The following ABI1 variants were observed in gnomAD, a reference collection of about 807,000 sequenced individuals.
The protein encoded by ABI1 is abl interactor 1.
In ABI1, 14 loss-of-function variants were observed where a neutral mutation model predicts 54.6. The ratio of observed to expected loss-of-function variants is 0.26; its 90% CI spans 0.17 to 0.40. The LOEUF (loss-of-function observed/expected upper bound fraction) is 0.40, where lower values mean the gene tolerates loss of function less well. Among genes scored for constraint, ABI1 ranks in the 10% least tolerant of loss-of-function variants. ABI1 has a pLI of 1.00. For synonymous variants in ABI1, 194 were observed against 209.3 expected, an observed-to-expected ratio of 0.93 and a Z score of 0.63; for missense variants, 443 against 598.3, an observed-to-expected ratio of 0.74 and a Z score of 2.71.
At chr10:26,764,685 T>G (rs1180126490) in intron 7 of ABI1, among the ~76,000 whole-genome samples, 1 of 152,170 alleles carries the variant, frequency 6.6e-6, no homozygotes, top group East Asian at 1.9e-4. Context: ...GGGAAAAAAA[T>G]AGATGGCTAC....
chr10:26,759,301 G>T, intron 7 of ABI1, 63 bp from the exon 8 acceptor site: 1 of 1,399,394 alleles, frequency 7.1e-7, no homozygotes, highest in South Asian at 1.5e-5. Context: ...ACCTTAGATG[G>T]CAGAACAAAG....
At position 26,796,762 on chromosome 10, in the gene ABI1, C is replaced by T. The variant is rs553036248; in HGVS notation, c.286-19521G>A. On this transcript the variant is annotated intron_variant, in intron 2 of 10. Transcript: ENST00000376140. ...TATATGTATTCCATAACACAGCAGT[C>T]CCCTTTTTGGCACCAGGGACCGGTT... Among the ~76,000 whole-genome samples the T allele has an allele frequency of 6.6e-5, 10 of 152,332 alleles. No individual in the cohort carries two copies. The South Asian group carries it at 2.1e-3, about 32-fold the overall frequency.
At chr10:26,748,885 AAGT>A in intron 10 of ABI1, 140 bp from the exon 11 acceptor site, 1 of 673,970 alleles carries the variant, frequency 1.5e-6, no homozygotes, top group South Asian at 2.0e-5. Context: ...CTATCAATAT[AAGT>A]AGGTCAGTGG....
chr10:26,765,695 T>G (rs1392169312), intron 6 of ABI1, among the ~76,000 whole-genome samples: 91 of 68,888 alleles, frequency 1.3e-3, no homozygotes, highest in African/African-American at 1.5e-3. Context: ...GGAGGGAGAG[T>G]GGGAGGGAAA....
At chr10:26,789,656 G>A (rs773027989) in intron 2 of ABI1, among the ~76,000 whole-genome samples, 1 of 152,100 alleles carries the variant, frequency 6.6e-6, no homozygotes, top group African/African-American at 2.4e-5. Context: ...GGGTACATAT[G>A]TAAGATGTGT....
chr10:26,750,678 A>C (rs2132403199), intron 10 of ABI1, among the ~76,000 whole-genome samples: 1 of 152,268 alleles, frequency 6.6e-6, no homozygotes, highest in East Asian at 1.9e-4. Context: ...AATCACAAGC[A>C]TTTTTCAGAA....
At chr10:26,801,489 G>A (rs1410812606) in intron 2 of ABI1, among the ~76,000 whole-genome samples, 1 of 152,036 alleles carries the variant, frequency 6.6e-6, no homozygotes, top group Non-Finnish European at 1.5e-5. Flanking sequence ...AGAGGTTGCG[G>A]TGAGCCAAGA....
At chr10:26,811,201 TG>T (rs2047206658) in intron 2 of ABI1, among the ~76,000 whole-genome samples, 3 of 152,136 alleles carry the variant, frequency 2.0e-5, no homozygotes, top group Admixed American at 1.3e-4. Flanking sequence ...TGTTTATCAA[TG>T]TAATAATTAA....
At chr10:26,838,876 A>G (rs2049284333) in intron 1 of ABI1, among the ~76,000 whole-genome samples, 1 of 152,224 alleles carries the variant, frequency 6.6e-6, no homozygotes, top group African/African-American at 2.4e-5. Context: ...CCCAAAGACC[A>G]CGGTCTGCCA....
chr10:26,816,986 TTGTGTGTGTGTGTGTGTG>T (rs71403891), intron 2 of ABI1, among the ~76,000 whole-genome samples: 1 of 143,768 alleles, frequency 7.0e-6, no homozygotes, highest in Non-Finnish European at 1.5e-5. Flanking sequence ...TGCAAAGACT[TTGTGTGTGTGTGTGTGTG>T]TGTGTGTGTG....
rs1266694854 is a variant in ABI1 at position 26,860,593 on chromosome 10, T to G, written c.117+154A>C. 2.6e-5 allele frequency among the ~76,000 whole-genome samples: 4 copies of G among 152,174 alleles called. No individual in the cohort carries two copies. The highest frequency in any genetic ancestry group is 9.7e-5 in the African/African-American group (4 of 41,446). On this transcript the variant is annotated intron_variant, in intron 1 of 10. Transcript: ENST00000376140. The surrounding 1 kb of genome is among the most constrained non-coding windows in gnomAD (Gnocchi z 4.1). ...ACTCCCTCAGCCCGGCCACTCGCTCTGTCCCCGGTTGGGGCTGGGGTTGGG... is the reference window on the plus strand; with the variant it reads ...ACTCCCTCAGCCCGGCCACTCGCTCGGTCCCCGGTTGGGGCTGGGGTTGGG...
chr10:26,822,272 C>G (rs1048093471), intron 2 of ABI1, among the ~76,000 whole-genome samples: 1 of 152,148 alleles, frequency 6.6e-6, no homozygotes, highest in African/African-American at 2.4e-5. Flanking sequence ...CAAACTAAGA[C>G]TAAGTGGTAT....
At chr10:26,751,536 T>C (rs1196762178) in intron 10 of ABI1, 62 bp downstream of exon 10, 1 of 1,510,670 alleles carries the variant, frequency 6.6e-7, no homozygotes, top group African/African-American at 1.4e-5. Flanking sequence ...ATGTTCTTTA[T>C]AGTTCTAAAT....
At chr10:26,801,349 C>T (rs2133373323) in intron 2 of ABI1, among the ~76,000 whole-genome samples, 1 of 152,158 alleles carries the variant, frequency 6.6e-6, no homozygotes. Flanking sequence ...AAGTTTGAGA[C>T]CAGCCTGGGC....
chr10:26,791,501 G>T (rs1843461364), intron 2 of ABI1, among the ~76,000 whole-genome samples: 2 of 152,100 alleles, frequency 1.3e-5, no homozygotes, highest in African/African-American at 4.8e-5. Flanking sequence ...CAATAAAAAT[G>T]CCAACAGAGA....
intron 1 of ABI1, among the ~76,000 whole-genome samples, chr10:26,844,623 A>C (rs145346178): frequency 7.9e-5 from 12 of 152,292 alleles, no homozygotes; most frequent in African/African-American, 2.6e-4. Context: ...TCAATTGTGG[A>C]GGAGTAAAAG....
Position 26,747,232 on chromosome 10 carries a change from C to G in ABI1, c.*1338G>C, listed in dbSNP as rs1837049392. On this transcript the variant is annotated 3_prime_UTR_variant, in exon 11 of 11. Coordinates refer to ENST00000376140, the MANE Select transcript of ABI1 (RefSeq NM_001012750.3). The stretch of plus-strand genomic sequence containing the variant: ...ACACAGAAACCCACACTTGAGTGCT[C>G]TACTTTAATATCCTAAGCAATAGAG... 2 of 225,040 alleles carry G rather than the reference C, an allele frequency of 8.9e-6. No homozygotes were observed. The highest frequency in any genetic ancestry group is 1.8e-5 in the Non-Finnish European group (2 of 113,036). 13.9% of individuals were successfully genotyped at this position (225,040 alleles called of 1,614,324 possible). A position where few individuals can be genotyped will look rare whatever the true frequency, so the allele number is the denominator to read the frequency against.
intron 4 of ABI1, 98 bp from the exon 5 acceptor site, chr10:26,770,443 T>A: frequency 8.4e-7 from 1 of 1,186,356 alleles, no homozygotes; most frequent in Non-Finnish European, 1.3e-6. Flanking sequence ...GAATGTGAAT[T>A]AAGGATTCCC....
At chr10:26,816,534 A>G (rs2047576266) in intron 2 of ABI1, among the ~76,000 whole-genome samples, 1 of 152,234 alleles carries the variant, frequency 6.6e-6, no homozygotes, top group Non-Finnish European at 1.5e-5. Context: ...ACCCAGAGAA[A>G]GGAGAATGAC....
Sources: gnomAD v4.1 joint callset for allele counts (sites outside exome capture counted in the v4.1 genomes callset) on GRCh38, gnomAD v4.1.1 for gene constraint, Gnocchi (gnomAD v3.1) non-coding constraint, MANE v1.5 for transcripts, NCBI Gene and HGNC (gene_info 2026-07-23, HGNC 2026-07-21) for gene names.